The following MSANTD3 variants were observed in gnomAD, a reference collection of about 807,000 sequenced individuals.
The protein encoded by MSANTD3 is Myb/SANT DNA binding domain containing 3.
MSANTD3 carries 11 observed loss-of-function variants against 27.7 expected under a neutral mutation model. That is an observed-to-expected ratio of 0.40 (90% CI 0.25 to 0.66). The LOEUF (loss-of-function observed/expected upper bound fraction) is 0.66, where lower values mean the gene tolerates loss of function less well. MSANTD3 is among the 30% of genes least tolerant of loss of function. The pLI is 0.41. For missense variants in MSANTD3, 250 were observed against 336.5 expected (o/e 0.74, Z 2.01); for synonymous variants, 131 against 127.2 (o/e 1.03, Z -0.20).
At chr9:100,445,623 G>A (rs186602765) in intron 2 of MSANTD3, among the ~76,000 whole-genome samples, 73 of 151,874 alleles carry the variant, frequency 4.8e-4, no homozygotes, top group African/African-American at 1.6e-3. Context: ...TTGTATTTCT[G>A]TTGGACAATA....
Position 100,450,698 on chromosome 9 carries a change from C to T in MSANTD3, c.560C>T (p.Thr187Ile), listed in dbSNP as rs748995347. 2 of 1,614,100 alleles carry T rather than the reference C, an allele frequency of 1.2e-6. No homozygotes were observed. The highest frequency in any genetic ancestry group is 1.7e-6 in the Non-Finnish European group (2 of 1,180,026). The change falls in exon 3 of 3, where the codon ACC becomes ATC. Residue 187 changes from threonine (T) to isoleucine (I), a missense_variant. Coordinates refer to ENST00000395067, the MANE Select transcript of MSANTD3 (RefSeq NM_080655.3). Reference sequence around the variant, plus strand: ...GCCAATAAAAACTACAGGAGCAAAACCTCTCAGGAAGGTGCTTTAAAAAAG... The same window carrying T: ...GCCAATAAAAACTACAGGAGCAAAATCTCTCAGGAAGGTGCTTTAAAAAAG... ...ITANKNYRSK[T>I]SQEGALKKMH...
At chr9:100,442,532 C>A (rs1372406222) in intron 2 of MSANTD3, among the ~76,000 whole-genome samples, 176 bp downstream of exon 2, 1 of 152,074 alleles carries the variant, frequency 6.6e-6, no homozygotes, top group Non-Finnish European at 1.5e-5. Flanking sequence ...TAGAAGTGGG[C>A]GTGGTGGCTC....
At chr9:100,430,506 T>C (rs1049771836) in intron 1 of MSANTD3, among the ~76,000 whole-genome samples, 2 of 152,014 alleles carry the variant, frequency 1.3e-5, no homozygotes, top group African/African-American at 2.4e-5. Context: ...ATGAATGCCA[T>C]GTGAAGAGTT....
chr9:100,435,757 G>C (rs1477908312), intron 1 of MSANTD3, among the ~76,000 whole-genome samples: 2 of 152,130 alleles, frequency 1.3e-5, no homozygotes, highest in African/African-American at 4.8e-5. Context: ...TACTTATCAA[G>C]GCACTAACCC....
Position 100,448,882 on chromosome 9 carries a change from CCTTTT to C in MSANTD3, c.419-1670_419-1666del, listed in dbSNP as rs1366181834. 5.1e-6 allele frequency: 5 copies of C among 984,768 alleles called. No homozygotes were observed. The East Asian group carries it at 3.4e-4, about 67-fold the overall frequency. 61.0% of individuals were successfully genotyped at this position (984,768 alleles called of 1,614,324 possible). A position where few individuals can be genotyped will look rare whatever the true frequency, so the allele number is the denominator to read the frequency against. Reference sequence around the variant, plus strand: ...TTCTCTTCCAGAAGTAAGATTTTTACCTTTTCTTTAATCGTAATTAGGGACTAGTT... The same window carrying C: ...TTCTCTTCCAGAAGTAAGATTTTTACCTTTAATCGTAATTAGGGACTAGTT... On this transcript the variant is annotated intron_variant, in intron 2 of 2. Transcript: ENST00000395067.
intron 1 of MSANTD3, among the ~76,000 whole-genome samples, chr9:100,435,115 C>A (rs144378167): frequency 5.9e-5 from 9 of 152,208 alleles, no homozygotes; most frequent in Middle Eastern, 3.4e-3. Context: ...AGGACTTTTG[C>A]GCAGAGGGAA....
At chr9:100,445,245 A>G (rs1267138751) in intron 2 of MSANTD3, 2 of 1,534,956 alleles carry the variant, frequency 1.3e-6, no homozygotes, top group African/African-American at 1.4e-5. Flanking sequence ...AAGGTGGAAA[A>G]TCTGCTATAG....
intron 1 of MSANTD3, among the ~76,000 whole-genome samples, chr9:100,432,559 C>A (rs527429677): frequency 1.3e-5 from 2 of 152,148 alleles, no homozygotes; most frequent in African/African-American, 4.8e-5. Flanking sequence ...ATGCAAATGG[C>A]AAGCAGGTTG....
rs1192342008 is a variant in MSANTD3, at chr9:100,451,256, GTTT to G, written c.*299_*301del. On this transcript the variant is annotated 3_prime_UTR_variant, in exon 3 of 3. Transcript: ENST00000395067. ...ACCACGTGTGAGTGTTGTTGTTGTT[GTTT>G]TTTTTTTTAATCAAATGCAAGTGTG... is the stretch of plus-strand genomic sequence containing the variant. The G allele has an allele frequency of 8.9e-6, 2 of 224,000 alleles. No homozygotes were observed. The highest frequency in any genetic ancestry group is 2.4e-5 in the African/African-American group (1 of 40,824). The allele number at this position is 224,000 out of a possible 1,614,324, so 13.9% of individuals were successfully genotyped here.
chr9:100,428,627 G>C (rs1836296226), intron 1 of MSANTD3, among the ~76,000 whole-genome samples: 1 of 152,094 alleles, frequency 6.6e-6, no homozygotes, highest in African/African-American at 2.4e-5. Context: ...GGATGTTATA[G>C]GTTGTCTCTT....
At chr9:100,442,887 TTTA>T (rs1836663023) in intron 2 of MSANTD3, among the ~76,000 whole-genome samples, 1 of 151,758 alleles carries the variant, frequency 6.6e-6, no homozygotes, top group African/African-American at 2.4e-5. Flanking sequence ...TCTTGGAGAC[TTTA>T]TTATTACTTA....
chr9:100,446,827 A>T (rs1360119607), intron 2 of MSANTD3, among the ~76,000 whole-genome samples: 4 of 146,590 alleles, frequency 2.7e-5, no homozygotes, highest in African/African-American at 9.8e-5. Flanking sequence ...ACTTCGTCTA[A>T]AAAAAAAAAA....
At chr9:100,443,532 G>A (rs1384665587) in intron 2 of MSANTD3, among the ~76,000 whole-genome samples, 1 of 152,028 alleles carries the variant, frequency 6.6e-6, no homozygotes, top group Non-Finnish European at 1.5e-5. Context: ...CCACAGTTTT[G>A]GTTTGTGGCA....
chr9:100,437,110 A>G (rs1432457154), intron 1 of MSANTD3, among the ~76,000 whole-genome samples: 1 of 152,098 alleles, frequency 6.6e-6, no homozygotes, highest in Admixed American at 6.6e-5. Context: ...TGGCCCAAAC[A>G]TACAGTCTTA....
intron 2 of MSANTD3, among the ~76,000 whole-genome samples, chr9:100,442,891 T>C (rs909487060): frequency 3.3e-5 from 5 of 152,026 alleles, no homozygotes; most frequent in African/African-American, 1.2e-4. Flanking sequence ...GGAGACTTTA[T>C]TATTACTTAA....
chr9:100,446,072 G>A (rs920073932), intron 2 of MSANTD3, among the ~76,000 whole-genome samples: 6 of 152,184 alleles, frequency 3.9e-5, no homozygotes, highest in Non-Finnish European at 5.9e-5. Context: ...TTCGCTAGGA[G>A]TGGCTGGGAG....
chr9:100,444,990 G>T (rs142493393), intron 2 of MSANTD3: 45 of 537,838 alleles, frequency 8.4e-5, no homozygotes, highest in Middle Eastern at 9.8e-4. Flanking sequence ...TTAAAGCATA[G>T]CCAAATGCTC....
At position 100,450,965 on chromosome 9, in the gene MSANTD3, A is replaced by G. The variant is rs1313317697; in HGVS notation, c.827A>G (p.Ter276=). The change falls in exon 3 of 3, where the codon TAA becomes TGA. Residue 276 remains the stop codon, a stop_retained_variant. Transcript: ENST00000395067. ...SFNRPFPNSP[*] Reference sequence around the variant, plus strand: ...AACCGGCCCTTTCCCAATTCGCCCTAAGACTTTGGGGGTGGCTCTCTTGTA... The same window carrying G: ...AACCGGCCCTTTCCCAATTCGCCCTGAGACTTTGGGGGTGGCTCTCTTGTA... The G allele has an allele frequency of 6.4e-6, 10 of 1,573,918 alleles. No homozygotes were observed. The highest frequency in any genetic ancestry group is 1.2e-5 in the South Asian group (1 of 82,684).
At chr9:100,439,676 A>AT (rs35738277) in intron 1 of MSANTD3, among the ~76,000 whole-genome samples, 2,657 of 137,010 alleles carry the variant, frequency 0.019, 24 homozygotes, top group South Asian at 0.032. Context: ...CTCCCAGCTA[A>AT]TTTTTTTTTT....
Sources: allele counts gnomAD v4.1 joint callset (sites outside exome capture counted in the v4.1 genomes callset), GRCh38; gene constraint gnomAD v4.1.1; transcripts MANE v1.5; gene names NCBI Gene and HGNC (gene_info 2026-07-23, HGNC 2026-07-21).